The following RETREG1 variants were observed in gnomAD, a reference collection of about 807,000 sequenced individuals.
The protein encoded by RETREG1 is reticulophagy regulator 1.
RETREG1 carries 44 observed loss-of-function variants against 54.8 expected under a neutral mutation model. The observed-to-expected ratio is 0.80, with a 90% CI of 0.63 to 1.03. The LOEUF is 1.03. Ranked by LOEUF, RETREG1 falls within the 50% of genes least tolerant of loss-of-function variation. RETREG1 has a pLI of 0.00. For synonymous variants in RETREG1, 217 were observed against 238.5 expected (o/e 0.91, Z 0.83); for missense variants, 554 against 605.1 (o/e 0.92, Z 0.89).
chr5:16,613,911 GA>G (rs201821682), intron 1 of RETREG1, among the ~76,000 whole-genome samples: 77 of 146,486 alleles, frequency 5.3e-4, no homozygotes, highest in East Asian at 1.8e-3. Context: ...AAATAAAAGG[GA>G]AAAAAAAACA....
intron 3 of RETREG1, among the ~76,000 whole-genome samples, chr5:16,513,241 A>G (rs1325260776): frequency 2.0e-5 from 3 of 152,196 alleles, no homozygotes; most frequent in East Asian, 1.9e-4. Flanking sequence ...CTAGAACTCA[A>G]CCATCTAGAA....
At chr5:16,549,475 T>C (rs1188038438) in intron 3 of RETREG1, among the ~76,000 whole-genome samples, 1 of 152,248 alleles carries the variant, frequency 6.6e-6, no homozygotes, top group Non-Finnish European at 1.5e-5. Flanking sequence ...TTTCTATTCC[T>C]GTTTAATAAA....
At chr5:16,600,866 A>T (rs181134898) in intron 1 of RETREG1, among the ~76,000 whole-genome samples, 3 of 152,216 alleles carry the variant, frequency 2.0e-5, no homozygotes, top group East Asian at 3.9e-4. Flanking sequence ...AAGAATCAAA[A>T]CAAACGCATC....
intron 1 of RETREG1, among the ~76,000 whole-genome samples, chr5:16,590,761 A>G (rs1042709955): frequency 3.3e-5 from 5 of 152,060 alleles, no homozygotes; most frequent in African/African-American, 1.2e-4. Flanking sequence ...TCTTCCCAGA[A>G]ACCCCTACTC....
chr5:16,573,396 A>G (rs961975431), intron 1 of RETREG1, among the ~76,000 whole-genome samples: 1 of 152,154 alleles, frequency 6.6e-6, no homozygotes, highest in African/African-American at 2.4e-5. Context: ...GAGCCTTCAC[A>G]TGAGATTAGA....
intron 3 of RETREG1, among the ~76,000 whole-genome samples, chr5:16,503,746 T>G (rs1218114998): frequency 6.6e-6 from 1 of 151,878 alleles, no homozygotes; most frequent in Non-Finnish European, 1.5e-5. Flanking sequence ...CTATTATACC[T>G]TAGGAATATA....
rs1324561474 is a variant in RETREG1 at position 16,616,852 on chromosome 5, C to T, written c.120G>A (p.Gln40=). ...CCCCAGCTTCCTGCGCTTCCTCCTC[C>T]TGCTGCTGCCGCTCTGCGGGGGATG... The part of the protein sequence containing the change: ...PQASPAERQQ[Q]EEEAQEAGAA... The change falls in exon 1 of 9, where the codon CAG becomes CAA. Residue 40 remains glutamine (Q), a synonymous_variant. Coordinates refer to ENST00000306320, the MANE Select transcript of RETREG1 (RefSeq NM_001034850.3). 1.1e-5 allele frequency: 16 copies of T among 1,510,378 alleles called. No homozygotes were observed. The highest frequency in any genetic ancestry group is 1.3e-5 in the Non-Finnish European group (15 of 1,137,068). 93.6% of individuals were successfully genotyped at this position (1,510,378 alleles called of 1,614,324 possible).
chr5:16,529,308 C>G (rs900225821), intron 3 of RETREG1, among the ~76,000 whole-genome samples: 5 of 151,976 alleles, frequency 3.3e-5, no homozygotes, highest in African/African-American at 1.2e-4. Flanking sequence ...AGTAGTTGAC[C>G]AAAAAATAAG....
At chr5:16,538,681 A>C (rs984536958) in intron 3 of RETREG1, among the ~76,000 whole-genome samples, 1 of 152,082 alleles carries the variant, frequency 6.6e-6, no homozygotes, top group Non-Finnish European at 1.5e-5. Flanking sequence ...AGCATCAAGA[A>C]GAACAAATAC....
In RETREG1 at chr5:16,561,443, G is replaced by A. The variant is rs1049501364; in HGVS notation, c.458+4320C>T. The stretch of plus-strand genomic sequence containing the variant: ...ACCTGGGAGGTGGAGCTTGCAGAGA[G>A]CCAAGATCGCTCTACCACACTCCAG... On this transcript the variant is annotated intron_variant, in intron 3 of 8. Coordinates refer to ENST00000306320, the MANE Select transcript of RETREG1 (RefSeq NM_001034850.3). The surrounding 1 kb of genome is among the most constrained non-coding windows in gnomAD (Gnocchi z 4.2). 6.6e-6 allele frequency among the ~76,000 whole-genome samples: 1 copy of A among 152,016 alleles called. No individual in the cohort carries two copies. The highest frequency in any genetic ancestry group is 2.4e-5 in the African/African-American group (1 of 41,358).
chr5:16,478,759 A>T, intron 6 of RETREG1, 91 bp downstream of exon 6: 1 of 1,213,382 alleles, frequency 8.2e-7, no homozygotes, highest in South Asian at 1.3e-5. Flanking sequence ...AAAAAGCTAA[A>T]AGTATCCTCA....
intron 3 of RETREG1, among the ~76,000 whole-genome samples, chr5:16,514,978 TAA>T (rs199787021): frequency 4.7e-5 from 7 of 148,104 alleles, no homozygotes; most frequent in African/African-American, 9.8e-5. Context: ...TATATATATA[TAA>T]AATTTTCTTT....
chr5:16,600,853 T>C (rs1167431388), intron 1 of RETREG1, among the ~76,000 whole-genome samples: 2 of 151,492 alleles, frequency 1.3e-5, no homozygotes, highest in Non-Finnish European at 2.9e-5. Flanking sequence ...AAGAGAAAAA[T>C]CTAAGAATCA....
intron 3 of RETREG1, among the ~76,000 whole-genome samples, chr5:16,558,450 A>C (rs1193468868): frequency 6.6e-6 from 1 of 152,230 alleles, no homozygotes; most frequent in East Asian, 1.9e-4. Context: ...TATATTGCCC[A>C]GTCTCAGATA....
At chr5:16,592,413 C>T (rs257148) in intron 1 of RETREG1, among the ~76,000 whole-genome samples, 4 of 152,008 alleles carry the variant, frequency 2.6e-5, no homozygotes, top group East Asian at 3.9e-4. Context: ...GATGCTGGCA[C>T]GATCGCAGAG....
At chr5:16,602,865 G>A (rs73051635) in intron 1 of RETREG1, among the ~76,000 whole-genome samples, 6,397 of 152,092 alleles carry the variant, frequency 0.042, 448 homozygotes, top group African/African-American at 0.15. Flanking sequence ...AAAATTACCC[G>A]GGCCTGGTGG....
Position 16,569,443 on chromosome 5 carries a change from G to T in RETREG1, c.427+2553C>A, listed in dbSNP as rs577326946. 3.9e-4 allele frequency among the ~76,000 whole-genome samples: 59 copies of T among 152,252 alleles called. No homozygotes were observed. In the South Asian group the frequency reaches 0.012, roughly 31 times the overall value. On this transcript the variant is annotated intron_variant, in intron 2 of 8. Coordinates refer to ENST00000306320, the MANE Select transcript of RETREG1 (RefSeq NM_001034850.3). Reference sequence around the variant, plus strand: ...TCGACAGAGGTCTGGTTCCCCACAGGGAGCCCAGCACCCAGGTTGGGCCTC... The same window carrying T: ...TCGACAGAGGTCTGGTTCCCCACAGTGAGCCCAGCACCCAGGTTGGGCCTC...
chr5:16,502,026 G>A (rs1431383574), intron 3 of RETREG1, among the ~76,000 whole-genome samples: 7 of 147,578 alleles, frequency 4.7e-5, no homozygotes, highest in South Asian at 2.1e-4. Flanking sequence ...GCGTGATCTC[G>A]GCTCACTGCA....
Position 16,585,582 on chromosome 5 carries a change from T to A in RETREG1, c.321-13480A>T, listed in dbSNP as rs1010808048. Among the ~76,000 whole-genome samples, 3 of 152,010 alleles carry A rather than the reference T, an allele frequency of 2.0e-5. No homozygotes were observed. The highest frequency in any genetic ancestry group is 4.4e-5 in the Non-Finnish European group (3 of 68,020). ...GGGACTTCGAGGCAGGGCGGGTGAG[T>A]CAAGTTCTGCAGCCCACTCCAGCTG... On this transcript the variant is annotated intron_variant, in intron 1 of 8. Coordinates refer to ENST00000306320, the MANE Select transcript of RETREG1 (RefSeq NM_001034850.3). The surrounding 1 kb of genome is among the most constrained non-coding windows in gnomAD (Gnocchi z 4.5).
Sources: allele counts gnomAD v4.1 joint callset (sites outside exome capture counted in the v4.1 genomes callset), GRCh38; gene constraint gnomAD v4.1.1; non-coding constraint Gnocchi (gnomAD v3.1); transcripts MANE v1.5; gene names NCBI Gene and HGNC (gene_info 2026-07-23, HGNC 2026-07-21).